Variants in HERC2 observed in about 807,000 individuals in gnomAD.
The protein encoded by HERC2 is E3 ubiquitin-protein ligase HERC2.
HERC2 carries 102 observed loss-of-function variants against 537.7 expected under a neutral mutation model. That is an observed-to-expected ratio of 0.19 (90% CI 0.16 to 0.22). The LOEUF (loss-of-function observed/expected upper bound fraction) is 0.22, where lower values mean the gene tolerates loss of function less well. Ranked by LOEUF, HERC2 falls within the 10% of genes least tolerant of loss-of-function variation. The pLI, the probability that HERC2 is intolerant of heterozygous loss-of-function variation, is 1.00. For synonymous variants in HERC2, 2,224 were observed against 2,466.2 expected (o/e 0.90, Z 2.91); for missense variants, 4,236 against 6,198.2 (o/e 0.68, Z 10.63).
intron 70 of HERC2, among the ~76,000 whole-genome samples, chr15:28,148,720 C>T (rs1414243455): frequency 6.6e-6 from 1 of 151,886 alleles, no homozygotes; most frequent in African/African-American, 2.4e-5. Flanking sequence ...TCACCGAGAA[C>T]GGCTGCATGA....
At chr15:28,266,208 A>T (rs2075563636) in intron 12 of HERC2, among the ~76,000 whole-genome samples, 1 of 152,116 alleles carries the variant, frequency 6.6e-6, no homozygotes. Flanking sequence ...ATATAAAAAT[A>T]GTGTTTGTTA....
At chr15:28,118,894 G>C (rs147075762) in intron 86 of HERC2, among the ~76,000 whole-genome samples, 4 of 152,220 alleles carry the variant, frequency 2.6e-5, no homozygotes, top group African/African-American at 9.6e-5. Context: ...TCTGGCACCC[G>C]GGGCCGTGGC....
chr15:28,139,673 C>T (rs1292048147), intron 78 of HERC2, among the ~76,000 whole-genome samples: 1 of 152,170 alleles, frequency 6.6e-6, no homozygotes, highest in Admixed American at 6.5e-5. Flanking sequence ...AAACACAAGC[C>T]AGATACATAT....
chr15:28,198,870 G>A, intron 48 of HERC2, 101 bp from the exon 49 acceptor site: 1 of 1,131,244 alleles, frequency 8.8e-7, no homozygotes, highest in Non-Finnish European at 1.3e-6. Context: ...AATTCTGACT[G>A]GGCATGGTGG....
intron 2 of HERC2, among the ~76,000 whole-genome samples, chr15:28,308,887 A>T (rs1407673712): frequency 6.6e-6 from 1 of 152,256 alleles, no homozygotes. Context: ...TACCCCAGGG[A>T]TAAACCCCAC....
At chr15:28,238,907 G>A in intron 23 of HERC2, 135 bp from the exon 24 acceptor site, 1 of 729,880 alleles carries the variant, frequency 1.4e-6, no homozygotes, top group Non-Finnish European at 2.5e-6. Context: ...ACCTAGCTCT[G>A]AAACTAATAC....
chr15:28,154,027 CA>C (rs1342032879), intron 69 of HERC2, among the ~76,000 whole-genome samples: 1 of 152,172 alleles, frequency 6.6e-6, no homozygotes, highest in Non-Finnish European at 1.5e-5. Flanking sequence ...CAACAATCCA[CA>C]GTGTTCTTAT....
At chr15:28,142,497 G>T in intron 75 of HERC2, 104 bp from the exon 76 acceptor site, 2 of 1,192,330 alleles carry the variant, frequency 1.7e-6, no homozygotes, top group Non-Finnish European at 2.3e-6. Context: ...CAGGATGACG[G>T]CCATGGGCAC....
intron 80 of HERC2, 139 bp from the exon 81 acceptor site, chr15:28,132,400 A>G (rs901240272): frequency 3.7e-5 from 33 of 899,456 alleles, no homozygotes; most frequent in Middle Eastern, 3.3e-4. Flanking sequence ...CTAAAATCCT[A>G]TAAGACAAAA....
chr15:28,199,662 C>T (rs765247151), intron 48 of HERC2, among the ~76,000 whole-genome samples: 1 of 152,114 alleles, frequency 6.6e-6, no homozygotes, highest in Non-Finnish European at 1.5e-5. Flanking sequence ...ATAATTAATA[C>T]AGAATGTCAT....
rs1895362507 is a variant in HERC2 at position 28,177,118 on chromosome 15, G to C, written c.9264C>G (p.Asp3088Glu). Residue 3088 changes from aspartate (D) to glutamate (E), a missense_variant, in exon 61 of 93, where the codon GAC (aspartate) becomes GAG (glutamate). Physicochemically the swap from Asp to Glu is conservative, Grantham distance 45. Around this residue, in one of 27 missense-constraint regions of HERC2, gnomAD observed 606 missense variants for 884.5 expected, o/e 0.69. Transcript: ENST00000261609. This position sits in a 1 kb window ranked among gnomAD's most constrained non-coding sequence, Gnocchi z 5.0. ...KLGHFSRMNC[D>E]KPRLIEALKT... ...TCAGGGCCTCGATCAGCCTTGGTTT[G>C]TCACAGTTCCTACAACAAGATGAAA... 1 of 1,610,358 alleles carries C rather than the reference G, an allele frequency of 6.2e-7. No homozygotes were observed. Among genetic ancestry groups the C allele is most frequent in the African/African-American group, 1.3e-5 (1 of 74,948 alleles).
At position 28,198,710 on chromosome 15, in the gene HERC2, G is replaced by A. The variant is rs1897596256; in HGVS notation, c.7776C>T (p.Gly2592=). ...CATCTCTGTCCAGCTTGATGACTTTGCCAACATCACCTTCGCACACTTCTT... is the reference window on the plus strand; with the variant it reads ...CATCTCTGTCCAGCTTGATGACTTTACCAACATCACCTTCGCACACTTCTT... The part of the protein sequence containing the change: ...AYEEVCEGDV[G]KVIKLDRDGL... The change falls in exon 49 of 93, where the codon GGC becomes GGT. Residue 2592 remains glycine, a synonymous_variant. Transcript: ENST00000261609. 1 of 1,614,040 alleles carries A rather than the reference G, an allele frequency of 6.2e-7. No individual in the cohort carries two copies. Among genetic ancestry groups the A allele is most frequent in the Non-Finnish European group, 8.5e-7 (1 of 1,180,000 alleles).
intron 69 of HERC2, among the ~76,000 whole-genome samples, chr15:28,154,144 C>T (rs1222475868): frequency 6.6e-6 from 1 of 152,200 alleles, no homozygotes. Context: ...TACATCATAA[C>T]AGCAATAATC....
In HERC2 at chr15:28,233,470, A is replaced by G; in HGVS notation, c.4443T>C (p.Cys1481=). The change falls in exon 29 of 93, where the codon TGT becomes TGC. Residue 1481 remains cysteine, a synonymous_variant. Coordinates refer to ENST00000261609, the MANE Select transcript of HERC2 (RefSeq NM_004667.6). ...AACATTTTGCTTGGTAGACAACTCT[A>G]CAAACATCCACCACTGACTTAGGCA... ...RTLPKSVVDV[C]RVVYQAKCSL... is the part of the protein sequence containing the mutation. 1 of 1,437,904 alleles carries G rather than the reference A, an allele frequency of 7.0e-7. No individual in the cohort carries two copies. The highest frequency in any genetic ancestry group is 1.1e-5 in the South Asian group (1 of 87,428). 89.1% of individuals were successfully genotyped at this position (1,437,904 alleles called of 1,614,324 possible).
Position 28,144,221 on chromosome 15 carries a change from G to C in HERC2, c.11155C>G (p.Leu3719Val). ...IMPAAGPKEL[L>V]SDRCVLSCPS... ...CAGGAGAGGACGCAGCGGTCAGAGA[G>C]GAGTTCTTTAGGGCCTGTGAATGAA... is the stretch of plus-strand genomic sequence containing the variant. Residue 3719 changes from leucine to valine, a missense_variant, in exon 73 of 93, where the codon CTC becomes GTC. Transcript: ENST00000261609. 6.2e-7 allele frequency: 1 copy of C among 1,614,042 alleles called. No homozygotes were observed. The highest frequency in any genetic ancestry group is 8.5e-7 in the Non-Finnish European group (1 of 1,180,020).
chr15:28,193,309 T>C lies in HERC2; in HGVS notation c.8261-1158A>G, dbSNP rs1039676515. On this transcript the variant is annotated intron_variant, in intron 52 of 92. Transcript: ENST00000261609. ...GCAGAGAACCAAAAACTACTGAAAA[T>C]AAAACAGAAAGACTAGAACTGATAA... Among the ~76,000 whole-genome samples the C allele has an allele frequency of 7.9e-5, 12 of 152,150 alleles. No individual in the cohort carries two copies. In the East Asian group the frequency reaches 1.9e-3, roughly 24 times the overall value.
intron 5 of HERC2, among the ~76,000 whole-genome samples, chr15:28,277,236 T>A (rs2075898387): frequency 6.6e-6 from 1 of 152,118 alleles, no homozygotes; most frequent in African/African-American, 2.4e-5. Flanking sequence ...CCAATTGCAG[T>A]GGTGGTCTCA....
chr15:28,249,834 T>C (rs1482858938), intron 20 of HERC2, among the ~76,000 whole-genome samples: 1 of 147,182 alleles, frequency 6.8e-6, no homozygotes, highest in Non-Finnish European at 1.5e-5. Context: ...TTTTTTTTTT[T>C]AAGTGGAGAC....
chr15:28,178,895 A>C lies in HERC2; in HGVS notation c.9155T>G (p.Val3052Gly). 1 of 1,613,648 alleles carries C rather than the reference A, an allele frequency of 6.2e-7. No homozygotes were observed. The highest frequency in any genetic ancestry group is 8.5e-7 in the Non-Finnish European group (1 of 1,179,956). Residue 3052 changes from valine (V) to glycine (G), a missense_variant, in exon 59 of 93, where the codon GTT becomes GGT. Val to Gly is a moderately radical substitution (Grantham distance 109). This residue lies in a region of HERC2 where 606 missense variants were observed against 884.5 expected (regional missense o/e 0.69). Coordinates refer to ENST00000261609, the MANE Select transcript of HERC2 (RefSeq NM_004667.6). The stretch of plus-strand genomic sequence containing the variant: ...TGGTGCTTGGCTTGTACCTGAGTGA[A>C]CAGCCACCTTCTTGACCACGTAGCT... ...LSSYVVKKVA[V>G]HSGGRHATAL...
Sources: allele counts gnomAD v4.1 joint callset (sites outside exome capture counted in the v4.1 genomes callset), GRCh38; gene constraint gnomAD v4.1.1; regional missense constraint gnomAD v4.1.1; non-coding constraint Gnocchi (gnomAD v3.1); transcripts MANE v1.5; gene names NCBI Gene and HGNC (gene_info 2026-07-23, HGNC 2026-07-21).